The following SEMA3B variants were observed in gnomAD, a reference collection of about 807,000 sequenced individuals.
SEMA3B encodes semaphorin 3B, also known as semaphorin-3B.
Under a neutral mutation model 77.8 loss-of-function variants are expected in SEMA3B, and 71 were observed. That is an observed-to-expected ratio of 0.91 (90% confidence interval 0.75 to 1.11). The LOEUF (loss-of-function observed/expected upper bound fraction) is 1.11. Ranked by LOEUF, SEMA3B falls within the 50% of genes most tolerant of loss-of-function variation. The probability of loss-of-function intolerance (pLI) is 0.00; values close to 1 mark genes in which losing one functional copy is unlikely to be tolerated. For synonymous variants in SEMA3B, 470 were observed against 452.9 expected (o/e 1.04, Z -0.48); for missense variants, 968 against 1,056.8 (o/e 0.92, Z 1.17).
chr3:50,263,673 C>T (rs929923717), upstream of SEMA3B, among the ~76,000 whole-genome samples: 1 of 151,864 alleles, frequency 6.6e-6, no homozygotes, highest in Non-Finnish European at 1.5e-5. Context: ...CCCAGGGATA[C>T]AGCCTGGGGG....
rs57978992 is a variant in SEMA3B, at chr3:50,270,519, G to A, written c.330+24G>A. 0.036 allele frequency: 57,353 copies of A among 1,613,138 alleles called. 11,562 individuals carry two copies. In the East Asian group the frequency reaches 0.54, roughly 15 times the overall value. Reference sequence around the variant, plus strand: ...GTGTGAGTGCCAGCTGCCCGGGCCGGGAGTGGGGAGGGTCAGCCCCTCACC... The same window carrying A: ...GTGTGAGTGCCAGCTGCCCGGGCCGAGAGTGGGGAGGGTCAGCCCCTCACC... On this transcript the variant is annotated intron_variant, in intron 3 of 16. Coordinates refer to ENST00000616701, the MANE Select transcript of SEMA3B (RefSeq NM_001290060.2). The surrounding 1 kb of genome is among the most constrained non-coding windows in gnomAD (Gnocchi z 4.7).
At position 50,275,899 on chromosome 3, in the gene SEMA3B, G is replaced by C; in HGVS notation, c.1845+55G>C. 2.0e-6 allele frequency: 3 copies of C among 1,526,686 alleles called. No homozygotes were observed. Among genetic ancestry groups the C allele is most frequent in the Non-Finnish European group, 2.6e-6 (3 of 1,143,118 alleles). 94.6% of individuals were successfully genotyped at this position (1,526,686 alleles called of 1,614,324 possible). A position where few individuals can be genotyped will look rare whatever the true frequency, so the allele number is the denominator to read the frequency against. ...CTCCTGTCCCACCCCCTGCATCCAG[G>C]AGAGGCCCCGCCCTACCCAACGAAG... On this transcript the variant is annotated intron_variant, in intron 16 of 16. Coordinates refer to ENST00000616701, the MANE Select transcript of SEMA3B (RefSeq NM_001290060.2). This position sits in a 1 kb window ranked among gnomAD's most constrained non-coding sequence, Gnocchi z 7.5.
chr3:50,262,478 T>TA, the SEMA3B span: 14,438 of 152,288 alleles, frequency 0.095, 713 homozygotes, highest in Middle Eastern at 0.11. Flanking sequence ...TACCATGGAC[T>TA]ACCAGAGGGA....
Position 50,275,422 on chromosome 3 carries a change from G to T in SEMA3B, c.1612G>T (p.Gly538Trp). 1 of 1,603,162 alleles carries T rather than the reference G, an allele frequency of 6.2e-7. No homozygotes were observed. Among genetic ancestry groups the T allele is most frequent in the Non-Finnish European group, 8.5e-7 (1 of 1,174,874 alleles). ...LARDPYCAWD[G>W]VACTRFQPSA... ...GCGTGACCCCTACTGCGCCTGGGAC[G>T]GGGTCGCGTGCACGCGCTTCCAGCC... The change falls in exon 14 of 17, where the codon GGG (glycine) becomes TGG (tryptophan). Residue 538 changes from glycine (G) to tryptophan (W), a missense_variant. Gly to Trp is a radical substitution (Grantham distance 184, BLOSUM62 -2). Transcript: ENST00000616701. The surrounding 1 kb of genome is among the most constrained non-coding windows in gnomAD (Gnocchi z 7.5).
chr3:50,270,817 G>C lies in SEMA3B; in HGVS notation c.331-73G>C. On this transcript the variant is annotated intron_variant, in intron 3 of 16. Transcript: ENST00000616701. This position sits in a 1 kb window ranked among gnomAD's most constrained non-coding sequence, Gnocchi z 4.7. ...TGATGCCGAAGAGAGGGAGGGGTGA[G>C]GATGCCACTGGTGAGCTGGGACCTC... 2 of 1,542,934 alleles carry C rather than the reference G, an allele frequency of 1.3e-6. No homozygotes were observed. The highest frequency in any genetic ancestry group is 2.4e-5 in the East Asian group (1 of 40,854).
Sources: allele counts gnomAD v4.1 joint callset (sites outside exome capture counted in the v4.1 genomes callset), GRCh38; gene constraint gnomAD v4.1.1; non-coding constraint Gnocchi (gnomAD v3.1); transcripts MANE v1.5; gene names NCBI Gene and HGNC (gene_info 2026-07-23, HGNC 2026-07-21).